The following SLC22A23 variants were observed in gnomAD, a reference collection of about 807,000 sequenced individuals.
SLC22A23 encodes the protein solute carrier family 22 member 23.
In SLC22A23, 26 loss-of-function variants were observed where a neutral mutation model predicts 61.0. That is an observed-to-expected ratio of 0.43 (90% CI 0.31 to 0.59). The LOEUF (loss-of-function observed/expected upper bound fraction) is 0.59. Among genes scored for constraint, SLC22A23 ranks in the 20% least tolerant of loss-of-function variants. The pLI is 0.11. For missense variants in SLC22A23, 796 were observed against 934.7 expected (o/e 0.85, Z 1.94); for synonymous variants, 430 against 413.9 (o/e 1.04, Z -0.47).
chr6:3,289,721 T>C, intron 6 of SLC22A23, 43 bp downstream of exon 6: 2 of 1,508,086 alleles, frequency 1.3e-6, no homozygotes, highest in Non-Finnish European at 1.8e-6. Flanking sequence ...CCTTCTTCCC[T>C]GGCCCCCTCC....
intron 1 of SLC22A23, among the ~76,000 whole-genome samples, chr6:3,447,946 A>G (rs1293306527): frequency 8.3e-6 from 1 of 120,860 alleles, no homozygotes; most frequent in Non-Finnish European, 1.6e-5. Context: ...TCTGTTGCCC[A>G]GACTGGAGTG....
intron 1 of SLC22A23, among the ~76,000 whole-genome samples, chr6:3,441,960 C>T (rs1048267125): frequency 6.6e-6 from 1 of 152,158 alleles, no homozygotes; most frequent in Non-Finnish European, 1.5e-5. Flanking sequence ...GAACTGTCTT[C>T]AAGAAGGAGG....
intron 1 of SLC22A23, among the ~76,000 whole-genome samples, chr6:3,428,273 C>G (rs1561975164): frequency 6.6e-6 from 1 of 152,198 alleles, no homozygotes; most frequent in East Asian, 1.9e-4. Context: ...CCCTCCTCAC[C>G]CTCCAGGCTG....
intron 3 of SLC22A23, among the ~76,000 whole-genome samples, chr6:3,373,520 T>C (rs150823920): frequency 3.7e-4 from 56 of 152,190 alleles, no homozygotes; most frequent in African/African-American, 1.3e-3. Context: ...AGAATACTGT[T>C]CTTCTGGAGC....
At chr6:3,335,879 G>A (rs1352605685) in intron 3 of SLC22A23, among the ~76,000 whole-genome samples, 1 of 152,176 alleles carries the variant, frequency 6.6e-6, no homozygotes, top group African/African-American at 2.4e-5. Flanking sequence ...CAAGAGGTTA[G>A]GAGATCGAGG....
chr6:3,394,549 T>C (rs954028231), intron 3 of SLC22A23, among the ~76,000 whole-genome samples: 1 of 152,250 alleles, frequency 6.6e-6, no homozygotes, highest in African/African-American at 2.4e-5. Flanking sequence ...GAGGAAATTA[T>C]CAGGTTGAAT....
chr6:3,414,187 A>G lies in SLC22A23; in HGVS notation c.758+1565T>C, dbSNP rs906556895. On this transcript the variant is annotated intron_variant, in intron 2 of 9. Coordinates refer to ENST00000406686, the MANE Select transcript of SLC22A23 (RefSeq NM_015482.2). The surrounding 1 kb of genome is among the most constrained non-coding windows in gnomAD (Gnocchi z 5.1). Reference sequence around the variant, plus strand: ...TTATTTATTGAATAAGGACACTACAACCCCAGTTGAGTTTGCATTTTTTTA... The same window carrying G: ...TTATTTATTGAATAAGGACACTACAGCCCCAGTTGAGTTTGCATTTTTTTA... 1.3e-5 allele frequency among the ~76,000 whole-genome samples: 2 copies of G among 152,230 alleles called. No homozygotes were observed. The highest frequency in any genetic ancestry group is 1.3e-4 in the Admixed American group (2 of 15,284).
intron 3 of SLC22A23, among the ~76,000 whole-genome samples, chr6:3,384,014 C>T (rs1767122747): frequency 6.6e-6 from 1 of 152,198 alleles, no homozygotes; most frequent in Non-Finnish European, 1.5e-5. Flanking sequence ...CCGGTGCCAG[C>T]TCCCGGATGT....
At chr6:3,385,552 T>C (rs1180559446) in intron 3 of SLC22A23, among the ~76,000 whole-genome samples, 1 of 152,184 alleles carries the variant, frequency 6.6e-6, no homozygotes, top group African/African-American at 2.4e-5. Context: ...GTAAATTTTA[T>C]GGTATGTGTA....
chr6:3,281,260 CAG>C (rs979916377), intron 9 of SLC22A23, among the ~76,000 whole-genome samples: 2 of 152,246 alleles, frequency 1.3e-5, no homozygotes, highest in African/African-American at 2.4e-5. Context: ...ACAGATGAAT[CAG>C]AGCTGTGCAC....
chr6:3,302,192 A>G (rs1319894069), intron 4 of SLC22A23, among the ~76,000 whole-genome samples: 1 of 151,964 alleles, frequency 6.6e-6, no homozygotes, highest in Admixed American at 6.6e-5. Context: ...GAATTTATCC[A>G]TTTCCTTTAG....
Position 3,329,298 on chromosome 6 carries a change from TA to T in SLC22A23, c.914-5297del, listed in dbSNP as rs1561902084. Among the ~76,000 whole-genome samples, 3 of 152,084 alleles carry T rather than the reference TA, an allele frequency of 2.0e-5. No individual in the cohort carries two copies. In the South Asian group the frequency reaches 6.2e-4, roughly 32 times the overall value. ...CATCCTCCCATAATGCACAAATGAA[TA>T]AAACACAACACTTATTCTTCCTTAA... On this transcript the variant is annotated intron_variant, in intron 3 of 9. Coordinates refer to ENST00000406686, the MANE Select transcript of SLC22A23 (RefSeq NM_015482.2). This position sits in a 1 kb window ranked among gnomAD's most constrained non-coding sequence, Gnocchi z 4.8.
At chr6:3,378,715 T>C (rs1490007781) in intron 3 of SLC22A23, among the ~76,000 whole-genome samples, 2 of 139,386 alleles carry the variant, frequency 1.4e-5, no homozygotes, top group Admixed American at 8.0e-5. Context: ...TGGAGTGCAA[T>C]GGCGTGATCT....
rs10642564 is a variant in SLC22A23, at chr6:3,279,509, CAAAAAAAAAA to C, written c.1703+4333_1703+4342del. On this transcript the variant is annotated intron_variant, in intron 9 of 9. Coordinates refer to ENST00000406686, the MANE Select transcript of SLC22A23 (RefSeq NM_015482.2). ...CTGGCAACAGAGCAAGGCTCCGTCT[CAAAAAAAAAA>C]AAAAAAAAAAAAAAAAATCCTTGAC... is the stretch of plus-strand genomic sequence containing the variant. 1.1e-3 allele frequency among the ~76,000 whole-genome samples: 40 copies of C among 36,014 alleles called. 1 individual carries two copies. The highest frequency in any genetic ancestry group is 3.2e-3 in the South Asian group (2 of 624). The allele number at this position is 36,014 out of a possible 152,430, so 23.6% of individuals were successfully genotyped here. A position where few individuals can be genotyped will look rare whatever the true frequency, so the allele number is the denominator to read the frequency against.
chr6:3,345,856 C>T (rs191694193), intron 3 of SLC22A23, among the ~76,000 whole-genome samples: 135 of 152,314 alleles, frequency 8.9e-4, no homozygotes, highest in African/African-American at 3.1e-3. Context: ...TGCTGCTAAG[C>T]AGATTTTGTT....
chr6:3,383,512 G>A (rs965031738), intron 3 of SLC22A23, among the ~76,000 whole-genome samples: 6 of 152,216 alleles, frequency 3.9e-5, no homozygotes, highest in Admixed American at 6.5e-5. Flanking sequence ...GTTGAACACA[G>A]AGTCAGTGTG....
intron 3 of SLC22A23, among the ~76,000 whole-genome samples, chr6:3,395,469 C>T (rs567562698): frequency 4.6e-5 from 7 of 152,356 alleles, no homozygotes; most frequent in African/African-American, 1.7e-4. Flanking sequence ...CAGGCAATAA[C>T]GAATGCTTCC....
chr6:3,286,958 T>TGGCC lies in SLC22A23; in HGVS notation c.1443_1446dup (p.Met483GlyfsTer49). The TGGCC allele has an allele frequency of 6.2e-7, 1 of 1,614,066 alleles. No individual in the cohort carries two copies. The highest frequency in any genetic ancestry group is 8.5e-7 in the Non-Finnish European group (1 of 1,180,026). ...CCGAGGAATCGGACCACCACGCACA[T>TGGCC]GGCCAGGCAGGACACCAGCGCGATG... is the stretch of plus-strand genomic sequence containing the variant. On this transcript the variant is annotated frameshift_variant, in exon 7 of 10. Coordinates refer to ENST00000406686, the MANE Select transcript of SLC22A23 (RefSeq NM_015482.2). LOFTEE classifies it high-confidence loss of function. This position sits in a 1 kb window ranked among gnomAD's most constrained non-coding sequence, Gnocchi z 4.2.
chr6:3,286,788 C>T lies in SLC22A23; in HGVS notation c.1546+71G>A, dbSNP rs1395152472. 3.1e-6 allele frequency: 4 copies of T among 1,300,654 alleles called. No homozygotes were observed. The highest frequency in any genetic ancestry group is 4.3e-6 in the Non-Finnish European group (4 of 925,086). The allele number at this position is 1,300,654 out of a possible 1,614,324, so 80.6% of individuals were successfully genotyped here. A position where few individuals can be genotyped will look rare whatever the true frequency, so the allele number is the denominator to read the frequency against. ...GAGTGGCCAGCGGAGTCTTATGCAG[C>T]CCTTTCAAATGCCCTTGGGGATCTG... On this transcript the variant is annotated intron_variant, in intron 7 of 9. Coordinates refer to ENST00000406686, the MANE Select transcript of SLC22A23 (RefSeq NM_015482.2). This position sits in a 1 kb window ranked among gnomAD's most constrained non-coding sequence, Gnocchi z 4.2.
Sources: gnomAD v4.1 joint callset for allele counts (sites outside exome capture counted in the v4.1 genomes callset) on GRCh38, gnomAD v4.1.1 for gene constraint, Gnocchi (gnomAD v3.1) non-coding constraint, MANE v1.5 for transcripts, NCBI Gene and HGNC (gene_info 2026-07-23, HGNC 2026-07-21) for gene names.